The following PPP2R2B variants were observed in gnomAD, a reference collection of about 807,000 sequenced individuals.
PPP2R2B encodes serine/threonine-protein phosphatase 2A 55 kDa regulatory subunit B beta isoform.
In PPP2R2B, 5 loss-of-function variants were observed where a neutral mutation model predicts 46.0. That is an observed-to-expected ratio of 0.11 (90% CI 0.06 to 0.23). The LOEUF (loss-of-function observed/expected upper bound fraction) is 0.23, where lower values mean the gene tolerates loss of function less well. PPP2R2B is among the 10% of genes least tolerant of loss of function. PPP2R2B has a pLI of 1.00. For synonymous variants in PPP2R2B, 215 were observed against 206.7 expected, an observed-to-expected ratio of 1.04 and a Z score of -0.34; for missense variants, 367 against 575.0, an observed-to-expected ratio of 0.64 and a Z score of 3.70.
chr5:146,921,310 T>G (rs1326419315), intron 1 of PPP2R2B, among the ~76,000 whole-genome samples: 2 of 152,188 alleles, frequency 1.3e-5, no homozygotes, highest in African/African-American at 2.4e-5. Context: ...GCTGAACAGA[T>G]TATCAAATGC....
chr5:146,972,771 T>C (rs1205429543), intron 1 of PPP2R2B, among the ~76,000 whole-genome samples: 2 of 152,138 alleles, frequency 1.3e-5, no homozygotes, highest in African/African-American at 4.8e-5. Context: ...TTAGCATTTA[T>C]CTTATAGGTA....
intron 6 of PPP2R2B, among the ~76,000 whole-genome samples, chr5:146,643,916 C>G (rs910968057): frequency 3.6e-4 from 55 of 152,102 alleles, no homozygotes; most frequent in Non-Finnish European, 5.6e-4. Flanking sequence ...GCCTTTTGGG[C>G]CTTTGCCACC....
At chr5:146,765,757 A>G (rs1222495229) in intron 2 of PPP2R2B, among the ~76,000 whole-genome samples, 1 of 152,180 alleles carries the variant, frequency 6.6e-6, no homozygotes, top group Non-Finnish European at 1.5e-5. Flanking sequence ...ACAGGAAGTG[A>G]TTGGGGTAAA....
chr5:146,701,199 A>T, intron 2 of PPP2R2B, 57 bp from the exon 3 acceptor site: 1 of 1,337,062 alleles, frequency 7.5e-7, no homozygotes, highest in South Asian at 1.2e-5. Flanking sequence ...TTGAAAGGAT[A>T]GATAATAGAT....
chr5:146,592,740 A>G (rs1473895895), intron 9 of PPP2R2B, among the ~76,000 whole-genome samples: 1 of 152,198 alleles, frequency 6.6e-6, no homozygotes, highest in East Asian at 1.9e-4. Flanking sequence ...TCTTATTAAC[A>G]TTAAGGTGTT....
At chr5:146,972,833 C>G (rs1304328774) in intron 1 of PPP2R2B, among the ~76,000 whole-genome samples, 1 of 152,134 alleles carries the variant, frequency 6.6e-6, no homozygotes. Context: ...GAACTGTTGA[C>G]ATTTTTCTGT....
intron 2 of PPP2R2B, among the ~76,000 whole-genome samples, chr5:146,784,534 C>G (rs1019272729): frequency 6.6e-6 from 1 of 152,060 alleles, no homozygotes; most frequent in African/African-American, 2.4e-5. Flanking sequence ...CATACCTTCT[C>G]GTAATAGTAA....
chr5:146,878,492 T>C lies in PPP2R2B; in HGVS notation c.-125+99A>G. 1 of 1,320,774 alleles carries C rather than the reference T, an allele frequency of 7.6e-7. No individual in the cohort carries two copies. Among genetic ancestry groups the C allele is most frequent in the Non-Finnish European group, 9.7e-7 (1 of 1,027,686 alleles). The allele number at this position is 1,320,774 out of a possible 1,614,324, so 81.8% of individuals were successfully genotyped here. Reference sequence around the variant, plus strand: ...CAGCCGCTCCAAAATGCAAAAAAGATCCCTCCTCCCCCTGGGAGAGCGGGC... The same window carrying C: ...CAGCCGCTCCAAAATGCAAAAAAGACCCCTCCTCCCCCTGGGAGAGCGGGC... On this transcript the variant is annotated intron_variant, in intron 1 of 9. Transcript: ENST00000394411. The surrounding 1 kb of genome is among the most constrained non-coding windows in gnomAD (Gnocchi z 4.5).
intron 2 of PPP2R2B, among the ~76,000 whole-genome samples, chr5:146,845,686 T>A (rs1435586235): frequency 6.6e-6 from 1 of 152,186 alleles, no homozygotes; most frequent in Non-Finnish European, 1.5e-5. Flanking sequence ...CTAACATAGT[T>A]GATGCTCCAT....
chr5:147,044,310 G>A (rs1396378802), intron 1 of PPP2R2B, among the ~76,000 whole-genome samples: 2 of 152,230 alleles, frequency 1.3e-5, no homozygotes, highest in South Asian at 2.1e-4. Context: ...AGGTTTGAGA[G>A]GGAGCAATCT....
intron 1 of PPP2R2B, among the ~76,000 whole-genome samples, chr5:146,980,237 A>G (rs1438217483): frequency 2.0e-5 from 3 of 152,194 alleles, no homozygotes; most frequent in Non-Finnish European, 4.4e-5. Flanking sequence ...TCTCCCAACT[A>G]GATGTTGGGC....
In PPP2R2B at chr5:146,589,860, T is replaced by C; in HGVS notation, c.*87A>G. 7.9e-7 allele frequency: 1 copy of C among 1,269,692 alleles called. No individual in the cohort carries two copies. Among genetic ancestry groups the C allele is most frequent in the Non-Finnish European group, 1.1e-6 (1 of 901,722 alleles). 78.7% of individuals were successfully genotyped at this position (1,269,692 alleles called of 1,614,324 possible). ...TCCTGTATAGGGAAATTAAAGTCAA[T>C]GCATCAAATGAAGACCCAAAGAAAC... is the stretch of plus-strand genomic sequence containing the variant. On this transcript the variant is annotated 3_prime_UTR_variant, in exon 10 of 10. Coordinates refer to ENST00000394411, the MANE Select transcript of PPP2R2B (RefSeq NM_181675.4).
At chr5:146,826,503 C>CATA (rs1205353582) in intron 2 of PPP2R2B, among the ~76,000 whole-genome samples, 1 of 152,080 alleles carries the variant, frequency 6.6e-6, no homozygotes, top group African/African-American at 2.4e-5. Flanking sequence ...CTTCAGTTTC[C>CATA]ATGATGTAAC....
chr5:146,629,637 C>T (rs1271635517), intron 7 of PPP2R2B, among the ~76,000 whole-genome samples: 1 of 152,152 alleles, frequency 6.6e-6, no homozygotes, highest in Non-Finnish European at 1.5e-5. Flanking sequence ...TGCAAGTGCT[C>T]TGCTCTGGCC....
intron 2 of PPP2R2B, among the ~76,000 whole-genome samples, chr5:146,704,620 G>C (rs1228975250): frequency 3.3e-5 from 5 of 152,218 alleles, no homozygotes; most frequent in African/African-American, 9.6e-5. Flanking sequence ...ACCCTGGGTA[G>C]TGTGAAGTTT....
intron 1 of PPP2R2B, among the ~76,000 whole-genome samples, chr5:146,929,110 T>C (rs1386180931): frequency 1.3e-5 from 2 of 152,168 alleles, no homozygotes; most frequent in African/African-American, 2.4e-5. Context: ...GCAAACCCTA[T>C]CCTTCCCATC....
At chr5:146,800,913 T>TAC (rs1756822848) in intron 2 of PPP2R2B, among the ~76,000 whole-genome samples, 1 of 149,380 alleles carries the variant, frequency 6.7e-6, no homozygotes, top group East Asian at 2.0e-4. Flanking sequence ...GGGGTATGTG[T>TAC]ACATACACAC....
chr5:146,824,187 G>C (rs894489399), intron 2 of PPP2R2B, among the ~76,000 whole-genome samples: 1 of 152,178 alleles, frequency 6.6e-6, no homozygotes, highest in African/African-American at 2.4e-5. Context: ...AGAGCAGAAA[G>C]CTTATTGAAC....
intron 1 of PPP2R2B, among the ~76,000 whole-genome samples, chr5:146,889,447 T>C (rs1762425963): frequency 6.6e-6 from 1 of 152,196 alleles, no homozygotes; most frequent in Non-Finnish European, 1.5e-5. Context: ...CATGTCTACA[T>C]AATTGAGCTC....
Sources: gnomAD v4.1 joint callset for allele counts (sites outside exome capture counted in the v4.1 genomes callset) on GRCh38, gnomAD v4.1.1 for gene constraint, Gnocchi (gnomAD v3.1) non-coding constraint, MANE v1.5 for transcripts, NCBI Gene and HGNC (gene_info 2026-07-23, HGNC 2026-07-21) for gene names.